Variants in PIEZO2 observed in about 807,000 individuals in gnomAD.
The protein encoded by PIEZO2 is piezo-type mechanosensitive ion channel component 2.
A neutral mutation model predicts 337.3 loss-of-function variants in PIEZO2; 172 were observed. The observed-to-expected ratio is 0.51, with a 90% CI of 0.45 to 0.58. The LOEUF (loss-of-function observed/expected upper bound fraction) is 0.58, where lower values mean the gene tolerates loss of function less well. PIEZO2 is among the 20% of genes least tolerant of loss of function. The pLI is 0.00. For synonymous variants in PIEZO2, 1,251 were observed against 1,228.5 expected (o/e 1.02, Z -0.38); for missense variants, 3,028 against 3,391.3 (o/e 0.89, Z 2.66).
Position 10,762,541 on chromosome 18 carries a change from C to T in PIEZO2, c.3208G>A (p.Val1070Ile), listed in dbSNP as rs1460948706. Residue 1070 changes from valine (V) to isoleucine (I), a missense_variant, in exon 23 of 56, where the codon GTC becomes ATC. Val to Ile is a conservative substitution (Grantham distance 29). Around this residue, in one of 5 missense-constraint regions of PIEZO2, gnomAD observed 1,925 missense variants for 2,051.9 expected, o/e 0.94. Transcript: ENST00000674853. ...AGAGGCGAAGACTTCCGCAGGCCGA[C>T]CCACTCTGTAGGATCGATAGGAGCG... ...YSAPIDPTEW[V>I]GLRKSSPLLV... The T allele has an allele frequency of 3.3e-6, 5 of 1,537,222 alleles. No homozygotes were observed. In the South Asian group the frequency reaches 5.9e-5, roughly 18 times the overall value.
At position 10,828,931 on chromosome 18, in the gene PIEZO2, C is replaced by A. The variant is rs768959489; in HGVS notation, c.918-21657G>T. 2.6e-5 allele frequency among the ~76,000 whole-genome samples: 4 copies of A among 152,168 alleles called. No individual in the cohort carries two copies. Among genetic ancestry groups the A allele is most frequent in the Non-Finnish European group, 5.9e-5 (4 of 68,028 alleles). On this transcript the variant is annotated intron_variant, in intron 7 of 55. Transcript: ENST00000674853. This position sits in a 1 kb window ranked among gnomAD's most constrained non-coding sequence, Gnocchi z 4.1. ...TCATGCTGCTGCTTCCTCCAGGAAG[C>A]CTTTCCTCAGCATGTCATGTCTTCA...
chr18:10,884,302 A>T (rs749271098), intron 4 of PIEZO2, among the ~76,000 whole-genome samples: 5 of 152,082 alleles, frequency 3.3e-5, no homozygotes, highest in Admixed American at 1.3e-4. Context: ...TCATCCATTG[A>T]TGGACACAGG....
chr18:11,082,125 T>G (rs1344975720), intron 1 of PIEZO2, among the ~76,000 whole-genome samples: 1 of 151,982 alleles, frequency 6.6e-6, no homozygotes, highest in Non-Finnish European at 1.5e-5. Flanking sequence ...AAACTAAACT[T>G]TAACAGTTTG....
At chr18:11,056,965 T>C (rs1387053903) in intron 2 of PIEZO2, among the ~76,000 whole-genome samples, 1 of 152,180 alleles carries the variant, frequency 6.6e-6, no homozygotes, top group Non-Finnish European at 1.5e-5. Context: ...TGTGAGTAAC[T>C]AGGAATATTC....
rs1194063948 is a variant in PIEZO2 at position 10,846,550 on chromosome 18, T to C, written c.917+8803A>G. On this transcript the variant is annotated intron_variant, in intron 7 of 55. Coordinates refer to ENST00000674853, the MANE Select transcript of PIEZO2 (RefSeq NM_001378183.1). This position sits in a 1 kb window ranked among gnomAD's most constrained non-coding sequence, Gnocchi z 4.1. ...CTGAGAGGCCAATGTATGTCAGCAG[T>C]GTTAAATCCTGAGAGTACCAAAGCC... Among the ~76,000 whole-genome samples, 2 of 152,106 alleles carry C rather than the reference T, an allele frequency of 1.3e-5. No homozygotes were observed. The highest frequency in any genetic ancestry group is 4.8e-5 in the African/African-American group (2 of 41,402).
chr18:11,066,083 C>G (rs1167730776), intron 2 of PIEZO2, 44 bp downstream of exon 2: 2 of 1,447,284 alleles, frequency 1.4e-6, no homozygotes, highest in African/African-American at 2.8e-5. Context: ...AAAATACATT[C>G]AGACTGTATA....
rs2033351094 is a variant in PIEZO2 at position 10,952,683 on chromosome 18, T to C, written c.286+26852A>G. Among the ~76,000 whole-genome samples, 1 of 152,178 alleles carries C rather than the reference T, an allele frequency of 6.6e-6. No individual in the cohort carries two copies. On this transcript the variant is annotated intron_variant, in intron 3 of 55. Coordinates refer to ENST00000674853, the MANE Select transcript of PIEZO2 (RefSeq NM_001378183.1). This position sits in a 1 kb window ranked among gnomAD's most constrained non-coding sequence, Gnocchi z 4.1. ...TAAAATTTTAAAGTCAAATTTTCAC[T>C]TCACCGGAGGAAATATCACCCAGTG...
At chr18:10,882,660 AT>A (rs2042454575) in intron 4 of PIEZO2, among the ~76,000 whole-genome samples, 1 of 151,622 alleles carries the variant, frequency 6.6e-6, no homozygotes, top group Admixed American at 6.6e-5. Flanking sequence ...AATCTACTCT[AT>A]TTTTATGAGA....
chr18:10,742,388 C>G (rs977133454), intron 32 of PIEZO2, 106 bp downstream of exon 32: 1 of 1,287,116 alleles, frequency 7.8e-7, no homozygotes, highest in Admixed American at 2.4e-5. Context: ...AAAAGTGTAT[C>G]GATAATCTTG....
At position 11,094,718 on chromosome 18, in the gene PIEZO2, G is replaced by A. The variant is rs1465843459; in HGVS notation, c.65-28496C>T. ...CAGATTCTAACAGGAAAGAAAAATG[G>A]GAGCTGGATGAAGAGCTGATTATTC... On this transcript the variant is annotated intron_variant, in intron 1 of 55. Transcript: ENST00000674853. This position sits in a 1 kb window ranked among gnomAD's most constrained non-coding sequence, Gnocchi z 4.4. Among the ~76,000 whole-genome samples, 1 of 152,194 alleles carries A rather than the reference G, an allele frequency of 6.6e-6. No individual in the cohort carries two copies. The highest frequency in any genetic ancestry group is 2.4e-5 in the African/African-American group (1 of 41,442).
intron 5 of PIEZO2, 115 bp downstream of exon 5, chr18:10,871,138 A>G: frequency 9.1e-7 from 1 of 1,099,180 alleles, no homozygotes. Context: ...TATGTCAAGC[A>G]CTGTGAATCA....
At chr18:10,825,443 A>T (rs1273264768) in intron 7 of PIEZO2, among the ~76,000 whole-genome samples, 3 of 152,118 alleles carry the variant, frequency 2.0e-5, no homozygotes, top group Non-Finnish European at 4.4e-5. Flanking sequence ...CATGCTATCA[A>T]CATGACTTAT....
rs1160711815 is a variant in PIEZO2 at position 10,673,085 on chromosome 18, C to T, written c.8162-212G>A. Among the ~76,000 whole-genome samples the T allele has an allele frequency of 1.3e-5, 2 of 152,132 alleles. No individual in the cohort carries two copies. Among genetic ancestry groups the T allele is most frequent in the African/African-American group, 4.8e-5 (2 of 41,428 alleles). On this transcript the variant is annotated intron_variant, in intron 54 of 55. Coordinates refer to ENST00000674853, the MANE Select transcript of PIEZO2 (RefSeq NM_001378183.1). This position sits in a 1 kb window ranked among gnomAD's most constrained non-coding sequence, Gnocchi z 4.8. ...TTTCCTTTTCAGTGAGAGAGGTCAG[C>T]CGCTGTTGCTACATGGGCATGGCAG...
chr18:11,144,993 C>T (rs998697805), intron 1 of PIEZO2, among the ~76,000 whole-genome samples: 3 of 152,170 alleles, frequency 2.0e-5, no homozygotes, highest in Non-Finnish European at 2.9e-5. Context: ...TACCTAAAGA[C>T]GGGTGGTATA....
At chr18:10,920,598 A>G (rs2031329069) in intron 3 of PIEZO2, among the ~76,000 whole-genome samples, 1 of 152,192 alleles carries the variant, frequency 6.6e-6, no homozygotes, top group Admixed American at 6.5e-5. Context: ...CAACTCGTTC[A>G]TACCCAGGTT....
intron 47 of PIEZO2, among the ~76,000 whole-genome samples, chr18:10,692,379 C>G (rs1189986857): frequency 6.6e-6 from 1 of 152,080 alleles, no homozygotes; most frequent in Non-Finnish European, 1.5e-5. Context: ...AATTAAGATC[C>G]ATACTTGAAT....
chr18:10,806,236 T>C (rs1201947142), intron 8 of PIEZO2, among the ~76,000 whole-genome samples: 2 of 152,158 alleles, frequency 1.3e-5, no homozygotes, highest in African/African-American at 4.8e-5. Flanking sequence ...TCATGAGAAC[T>C]GTCCCCAGCT....
intron 4 of PIEZO2, among the ~76,000 whole-genome samples, chr18:10,902,130 T>C (rs748942412): frequency 1.2e-4 from 18 of 152,192 alleles, no homozygotes; most frequent in Non-Finnish European, 2.5e-4. Context: ...GGGATCTAGG[T>C]TGCATGCTCC....
Position 10,682,925 on chromosome 18 carries a change from G to A in PIEZO2, c.7498-633C>T, listed in dbSNP as rs915896341. ...AGCCTGTGCACCAGTAAGGCTGGGA[G>A]CACTTCTGTTTGCTTTAATATAGAT... On this transcript the variant is annotated intron_variant, in intron 49 of 55. Coordinates refer to ENST00000674853, the MANE Select transcript of PIEZO2 (RefSeq NM_001378183.1). This position sits in a 1 kb window ranked among gnomAD's most constrained non-coding sequence, Gnocchi z 5.6. 6.6e-6 allele frequency among the ~76,000 whole-genome samples: 1 copy of A among 152,206 alleles called. No homozygotes were observed. The highest frequency in any genetic ancestry group is 1.5e-5 in the Non-Finnish European group (1 of 68,036).
Sources: gnomAD v4.1 joint callset for allele counts (sites outside exome capture counted in the v4.1 genomes callset) on GRCh38, gnomAD v4.1.1 for gene constraint, gnomAD v4.1.1 regional missense constraint, Gnocchi (gnomAD v3.1) non-coding constraint, MANE v1.5 for transcripts, NCBI Gene and HGNC (gene_info 2026-07-23, HGNC 2026-07-21) for gene names.